RNF114: variants seen among roughly 807,000 people sequenced by gnomAD.
The protein encoded by RNF114 is E3 ubiquitin-protein ligase RNF114.
A neutral mutation model predicts 28.4 loss-of-function variants in RNF114; 6 were observed. The ratio of observed to expected loss-of-function variants is 0.21; its 90% confidence interval spans 0.12 to 0.42. The LOEUF (loss-of-function observed/expected upper bound fraction) is 0.42. RNF114 is among the 10% of genes least tolerant of loss of function. RNF114 has a pLI of 1.00. For synonymous variants in RNF114, 115 were observed against 116.7 expected (o/e 0.99, Z 0.09); for missense variants, 249 against 311.7 (o/e 0.80, Z 1.51).
At chr20:49,941,261 G>T in intron 1 of RNF114, 1 of 279,450 alleles carries the variant, frequency 3.6e-6, no homozygotes, top group Non-Finnish European at 6.7e-6. Context: ...AAAAAATGGA[G>T]ATTCAAGAAA....
chr20:49,941,318 AC>A, intron 1 of RNF114: 1 of 423,168 alleles, frequency 2.4e-6, no homozygotes, highest in Non-Finnish European at 4.2e-6. Context: ...TGAAGCCTCA[AC>A]CTTAACACCT....
chr20:49,936,591 CTG>C, intron 1 of RNF114, 39 bp downstream of exon 1: 1 of 1,568,218 alleles, frequency 6.4e-7, no homozygotes, highest in Non-Finnish European at 8.6e-7. Context: ...GGGCGCTTAA[CTG>C]GGAAGGGAAT....
intron 2 of RNF114, among the ~76,000 whole-genome samples, chr20:49,942,701 G>A (rs547364312): frequency 4.6e-5 from 7 of 152,226 alleles, no homozygotes; most frequent in Admixed American, 2.0e-4. Flanking sequence ...GTGTGTGCCC[G>A]TAGTCTCAAC....
rs1426356610 is a variant in RNF114 at position 49,940,003 on chromosome 20, G to A, written c.141-1558G>A. Among the ~76,000 whole-genome samples, 3 of 142,208 alleles carry A rather than the reference G, an allele frequency of 2.1e-5. No homozygotes were observed. In the East Asian group the frequency reaches 6.7e-4, roughly 32 times the overall value. 93.3% of individuals were successfully genotyped at this position (142,208 alleles called of 152,430 possible). On this transcript the variant is annotated intron_variant, in intron 1 of 5. Coordinates refer to ENST00000244061, the MANE Select transcript of RNF114 (RefSeq NM_018683.4). ...GGGGAGGCAGATTTTGCAGTGAGCC[G>A]AGATTGCACCATTGCACTTCAGCCT...
intron 4 of RNF114, 96 bp downstream of exon 4, chr20:49,946,346 C>G (rs1224500237): frequency 8.0e-6 from 5 of 627,818 alleles, no homozygotes; most frequent in African/African-American, 1.9e-5. Context: ...TCCTGTGTGC[C>G]CTTCACCTAG....
chr20:49,939,650 G>A (rs1184611137), intron 1 of RNF114, among the ~76,000 whole-genome samples: 1 of 151,860 alleles, frequency 6.6e-6, no homozygotes, highest in Non-Finnish European at 1.5e-5. Context: ...TTCTGTGAAT[G>A]GTTTCCTGAA....
intron 1 of RNF114, among the ~76,000 whole-genome samples, chr20:49,936,837 G>C (rs1223493404): frequency 6.6e-6 from 1 of 151,784 alleles, no homozygotes; most frequent in African/African-American, 2.4e-5. Context: ...TCCCACACGT[G>C]ATAGTGGACT....
intron 4 of RNF114, among the ~76,000 whole-genome samples, chr20:49,947,534 TG>T (rs1265685508): frequency 1.3e-5 from 2 of 152,138 alleles, no homozygotes; most frequent in African/African-American, 4.8e-5. Flanking sequence ...TATCTTTGCC[TG>T]TATCTATGTA....
At chr20:49,937,429 C>T (rs970489498) in intron 1 of RNF114, among the ~76,000 whole-genome samples, 2 of 152,156 alleles carry the variant, frequency 1.3e-5, no homozygotes, top group African/African-American at 4.8e-5. Context: ...TGGCAGCGGG[C>T]ACAGTAGCCA....
At position 49,947,877 on chromosome 20, in the gene RNF114, C is replaced by T. The variant is rs563427553; in HGVS notation, c.514-1371C>T. Among the ~76,000 whole-genome samples, 991 of 142,772 alleles carry T rather than the reference C, an allele frequency of 6.9e-3. 7 individuals are homozygous for T. The highest frequency in any genetic ancestry group is 0.021 in the African/African-American group (800 of 38,110). 93.7% of individuals were successfully genotyped at this position (142,772 alleles called of 152,430 possible). A position where few individuals can be genotyped will look rare whatever the true frequency, so the allele number is the denominator to read the frequency against. On this transcript the variant is annotated intron_variant, in intron 4 of 5. Coordinates refer to ENST00000244061, the MANE Select transcript of RNF114 (RefSeq NM_018683.4). ...CGCGATCTCGACTCACTGCAAGCTC[C>T]GCCTCCCGGGTTCACGCCATTCTCC...
intron 2 of RNF114, among the ~76,000 whole-genome samples, chr20:49,942,638 C>T (rs1233533678): frequency 6.6e-6 from 1 of 152,124 alleles, no homozygotes; most frequent in Non-Finnish European, 1.5e-5. Context: ...GCCTGGACAA[C>T]ATGGTGAAAC....
intron 4 of RNF114, among the ~76,000 whole-genome samples, 193 bp downstream of exon 4, chr20:49,946,443 A>G (rs1274573060): frequency 6.6e-6 from 1 of 152,176 alleles, no homozygotes; most frequent in African/African-American, 2.4e-5. Context: ...AATAAGCTAC[A>G]GATACCATGA....
chr20:49,941,906 TTGGTTAAGTA>T, intron 2 of RNF114, 195 bp downstream of exon 2: 2 of 533,118 alleles, frequency 3.8e-6, no homozygotes, highest in Non-Finnish European at 6.4e-6. Context: ...TTTTTAAGAG[TTGGTTAAGTA>T]TATATTTTAG....
intron 1 of RNF114, among the ~76,000 whole-genome samples, chr20:49,940,940 C>T (rs1201288350): frequency 6.7e-6 from 1 of 150,190 alleles, no homozygotes; most frequent in Non-Finnish European, 1.5e-5. Flanking sequence ...CGGGTTTCAC[C>T]ATGTTGGTAA....
intron 4 of RNF114, 110 bp from the exon 5 acceptor site, chr20:49,949,138 A>G (rs1310312266): frequency 1.2e-6 from 1 of 823,748 alleles, no homozygotes; most frequent in African/African-American, 1.7e-5. Flanking sequence ...CTGGCCCTGG[A>G]CAGTATGTCA....
intron 5 of RNF114, among the ~76,000 whole-genome samples, chr20:49,950,456 G>A (rs2146860401): frequency 6.6e-6 from 1 of 151,898 alleles, no homozygotes. Flanking sequence ...TGAGGCAGGT[G>A]GATCGCTTGA....
chr20:49,937,305 C>T (rs2090291176), intron 1 of RNF114, among the ~76,000 whole-genome samples: 1 of 152,198 alleles, frequency 6.6e-6, no homozygotes, highest in Admixed American at 6.5e-5. Flanking sequence ...GACGCACAAA[C>T]ACATCTGAGT....
rs988210986 is a variant in RNF114 at position 49,941,903 on chromosome 20, G to T, written c.291+192G>T. On this transcript the variant is annotated intron_variant, in intron 2 of 5. Coordinates refer to ENST00000244061, the MANE Select transcript of RNF114 (RefSeq NM_018683.4). ...TACTGGTTTTTGTTTCTTTTTTTAA[G>T]AGTTGGTTAAGTATATATTTTAGGT... The T allele has an allele frequency of 3.6e-5, 19 of 534,684 alleles. No homozygotes were observed. In the African/African-American group the frequency reaches 3.6e-4, roughly 10 times the overall value. 33.1% of individuals were successfully genotyped at this position (534,684 alleles called of 1,614,324 possible).
intron 1 of RNF114, among the ~76,000 whole-genome samples, chr20:49,938,327 C>CT (rs1185632718): frequency 6.6e-6 from 1 of 152,208 alleles, no homozygotes; most frequent in Non-Finnish European, 1.5e-5. Flanking sequence ...TGGCTCTTCT[C>CT]TATCCTCGCT....
Sources: gnomAD v4.1 joint callset for allele counts (sites outside exome capture counted in the v4.1 genomes callset) on GRCh38, gnomAD v4.1.1 for gene constraint, MANE v1.5 for transcripts, NCBI Gene and HGNC (gene_info 2026-07-23, HGNC 2026-07-21) for gene names.